Variants in TMEM106C observed in about 807,000 individuals in gnomAD.
TMEM106C encodes transmembrane protein 106C.
Under a neutral mutation model 30.8 loss-of-function variants are expected in TMEM106C, and 27 were observed. The ratio of observed to expected loss-of-function variants is 0.88; its 90% CI spans 0.65 to 1.21. The LOEUF is 1.21. TMEM106C is among the 50% of genes most tolerant of loss of function. TMEM106C has a pLI of 0.00. For synonymous variants in TMEM106C, 123 were observed against 118.8 expected (o/e 1.04, Z -0.23); for missense variants, 288 against 307.8 (o/e 0.94, Z 0.48).
chr12:47,967,374 C>G (rs757151805), intron 7 of TMEM106C, 113 bp downstream of exon 7: 4 of 1,035,410 alleles, frequency 3.9e-6, no homozygotes, highest in Non-Finnish European at 6.1e-6. Context: ...GAGGGGACAC[C>G]CTGTGCCTCA....
At position 47,967,236 on chromosome 12, in the gene TMEM106C, G is replaced by A. The variant is rs535649901; in HGVS notation, c.631G>A (p.Val211Met). ...CTTCTGCACGGTACCTGAGATCCTG[G>A]TGCACAACATAGTGATCTTCATGCG... ...YFFCTVPEIL[V>M]HNIVIFMRTS... The change falls in exon 7 of 8, where the codon GTG (valine) becomes ATG (methionine). Residue 211 changes from valine to methionine, a missense_variant. By Grantham distance (21) the Val-to-Met change is conservative (BLOSUM62 1). Coordinates refer to ENST00000429772, the MANE Select transcript of TMEM106C (RefSeq NM_001143842.2). The A allele has an allele frequency of 1.2e-6, 2 of 1,613,992 alleles. No individual in the cohort carries two copies. Among genetic ancestry groups the A allele is most frequent in the Admixed American group, 1.7e-5 (1 of 60,014 alleles).
At chr12:47,964,664 T>C in intron 2 of TMEM106C, 1 of 530,310 alleles carries the variant, frequency 1.9e-6, no homozygotes, top group East Asian at 3.3e-5. Flanking sequence ...GTTTGGAACA[T>C]TCAGTTCGCT....
At chr12:47,964,824 C>T in intron 2 of TMEM106C, 2 of 291,710 alleles carry the variant, frequency 6.9e-6, no homozygotes, top group Non-Finnish European at 1.3e-5. Flanking sequence ...TATATCAGGT[C>T]AAGAGAGAGA....
Position 47,966,077 on chromosome 12 carries a change from G to C in TMEM106C, c.412-12G>C. On this transcript the variant is annotated splice_polypyrimidine_tract_variant and intron_variant, in intron 4 of 7. Coordinates refer to ENST00000429772, the MANE Select transcript of TMEM106C (RefSeq NM_001143842.2). ...GACACTTACACTTGTTTCCTGACTT[G>C]CCCTGATGTAGGCCACCCTGAAAAT... 3.1e-6 allele frequency: 5 copies of C among 1,614,218 alleles called. No individual in the cohort carries two copies. The highest frequency in any genetic ancestry group is 4.2e-6 in the Non-Finnish European group (5 of 1,180,034).
intron 2 of TMEM106C, 70 bp downstream of exon 2, chr12:47,964,493 C>T: frequency 6.6e-7 from 1 of 1,512,292 alleles, no homozygotes; most frequent in Non-Finnish European, 9.1e-7. Context: ...TCTGCCCAGA[C>T]AACTTTTCTT....
At position 47,966,138 on chromosome 12, in the gene TMEM106C, G is replaced by C. The variant is rs1304418395; in HGVS notation, c.461G>C (p.Ser154Thr). The C allele has an allele frequency of 6.2e-7, 1 of 1,614,204 alleles. No homozygotes were observed. The highest frequency in any genetic ancestry group is 1.1e-5 in the South Asian group (1 of 91,080). The change falls in exon 5 of 8, where the codon AGC (serine) becomes ACC (threonine). Residue 154 changes from serine (S) to threonine (T), a missense_variant. Physicochemically the swap from Ser to Thr is moderately conservative, Grantham distance 58 (BLOSUM62 1). Coordinates refer to ENST00000429772, the MANE Select transcript of TMEM106C (RefSeq NM_001143842.2). ...NSNFYTVAVT[S>T]LSSQIQYMNT... The stretch of plus-strand genomic sequence containing the variant: ...AACTTCTACACGGTGGCAGTGACCA[G>C]CCTGTCCAGCCAGATTCAGTACATG...
chr12:47,966,197 G>T lies in TMEM106C; in HGVS notation c.520G>T (p.Val174Phe). Residue 174 changes from valine to phenylalanine, a missense_variant, in exon 5 of 8, where the codon GTC becomes TTC. Val to Phe is a conservative substitution (Grantham distance 50, BLOSUM62 -1). Coordinates refer to ENST00000429772, the MANE Select transcript of TMEM106C (RefSeq NM_001143842.2). ...TVVSTYVTTN[V>F]SLIPPRSEQL... ...GGTCAGTACATATGTGACTACTAAC[G>T]TCTCCCTTATTCCACCTCGGAGTGA... 4 of 1,614,132 alleles carry T rather than the reference G, an allele frequency of 2.5e-6. No individual in the cohort carries two copies. Among genetic ancestry groups the T allele is most frequent in the Non-Finnish European group, 3.4e-6 (4 of 1,180,032 alleles).
At chr12:47,966,459 C>A in intron 5 of TMEM106C, 1 of 696,744 alleles carries the variant, frequency 1.4e-6, no homozygotes, top group Non-Finnish European at 2.4e-6. Flanking sequence ...AGATTTGCTA[C>A]AAAATAAGAA....
intron 2 of TMEM106C, chr12:47,964,839 A>G (rs970519125): frequency 1.4e-5 from 4 of 278,934 alleles, no homozygotes; most frequent in Non-Finnish European, 2.7e-5. Context: ...GAGAGAGACA[A>G]ATACTTAGCC....
intron 5 of TMEM106C, 24 bp from the exon 6 acceptor site, chr12:47,966,659 C>T (rs1404695120): frequency 6.2e-7 from 1 of 1,614,046 alleles, no homozygotes; most frequent in Non-Finnish European, 8.5e-7. Context: ...TGGCCACAGA[C>T]CAACTCTGGT....
Position 47,966,330 on chromosome 12 carries a change from T to C in TMEM106C, c.552+101T>C, listed in dbSNP as rs1938224020. On this transcript the variant is annotated intron_variant, in intron 5 of 7. Coordinates refer to ENST00000429772, the MANE Select transcript of TMEM106C (RefSeq NM_001143842.2). ...GTCACTTTCCTTTTTGTCTCCTCAT[T>C]TCTACTTGTAGGAACTGGTGATGAG... is the stretch of plus-strand genomic sequence containing the variant. 26 of 1,396,730 alleles carry C rather than the reference T, an allele frequency of 1.9e-5. No homozygotes were observed. In the South Asian group the frequency reaches 3.3e-4, roughly 17 times the overall value. 86.5% of individuals were successfully genotyped at this position (1,396,730 alleles called of 1,614,324 possible). A position where few individuals can be genotyped will look rare whatever the true frequency, so the allele number is the denominator to read the frequency against.
chr12:47,966,111 C>G lies in TMEM106C; in HGVS notation c.434C>G (p.Ser145Cys). Reference sequence around the variant, plus strand: ...TAGGCCACCCTGAAAATCAGGAACTCCAACTTCTACACGGTGGCAGTGACC... The same window carrying G: ...TAGGCCACCCTGAAAATCAGGAACTGCAACTTCTACACGGTGGCAGTGACC... Reference protein sequence around the residue: ...TIMATLKIRNSNFYTVAVTSL... With the variant: ...TIMATLKIRNCNFYTVAVTSL... The change falls in exon 5 of 8, where the codon TCC (serine) becomes TGC (cysteine). Residue 145 changes from serine to cysteine, a missense_variant. Ser to Cys is a moderately radical substitution (Grantham distance 112). Transcript: ENST00000429772. 5 of 1,614,210 alleles carry G rather than the reference C, an allele frequency of 3.1e-6. No homozygotes were observed. The highest frequency in any genetic ancestry group is 1.6e-4 in the Middle Eastern group (1 of 6,062).
At position 47,963,607 on chromosome 12, in the gene TMEM106C, G is replaced by C. The variant is rs1218342776; in HGVS notation, c.-126G>C. ...TATTTGGCGCCTGCGCGCTGAGTGC[G>C]TGCCGCTCCGCCGACCGAAGAGGCT... On this transcript the variant is annotated 5_prime_UTR_variant, in exon 1 of 8. Transcript: ENST00000429772. The C allele has an allele frequency of 6.6e-6, 1 of 152,524 alleles. No individual in the cohort carries two copies. The highest frequency in any genetic ancestry group is 2.4e-5 in the African/African-American group (1 of 41,468). The allele number at this position is 152,524 out of a possible 1,614,324, so 9.4% of individuals were successfully genotyped here.
rs746440188 is a variant in TMEM106C, at chr12:47,964,296, T to C, written c.60T>C (p.Asp20=). ...CCTCCTGCAGGCGAAAGCAAGAAGA[T>C]GACAGGGACGGTTTGCTGGCTGAAC... is the stretch of plus-strand genomic sequence containing the variant. ...RPSSCRRKQE[D]DRDGLLAERE... Residue 20 remains aspartate (D), a synonymous_variant, in exon 2 of 8, where the codon GAT becomes GAC. Transcript: ENST00000429772. 6.2e-7 allele frequency: 1 copy of C among 1,614,100 alleles called. No individual in the cohort carries two copies. The highest frequency in any genetic ancestry group is 8.5e-7 in the Non-Finnish European group (1 of 1,179,998).
intron 6 of TMEM106C, 130 bp from the exon 7 acceptor site, chr12:47,967,078 A>G: frequency 1.1e-6 from 1 of 905,578 alleles, no homozygotes; most frequent in East Asian, 2.4e-5. Flanking sequence ...CTGAGAGCTG[A>G]CAAGCCTTGG....
Position 47,964,568 on chromosome 12 carries a change from A to G in TMEM106C, c.187+145A>G, listed in dbSNP as rs1592184373. 4 of 691,822 alleles carry G rather than the reference A, an allele frequency of 5.8e-6. No individual in the cohort carries two copies. The East Asian group carries it at 1.1e-4, about 19-fold the overall frequency. 42.9% of individuals were successfully genotyped at this position (691,822 alleles called of 1,614,324 possible). A position where few individuals can be genotyped will look rare whatever the true frequency, so the allele number is the denominator to read the frequency against. The stretch of plus-strand genomic sequence containing the variant: ...GGAGCCAGCTCAACTGACTTAATAC[A>G]CTTGGGCAGTTCTGCAACTTCTCTT... On this transcript the variant is annotated intron_variant, in intron 2 of 7. Transcript: ENST00000429772.
At chr12:47,965,732 A>G in intron 3 of TMEM106C, 106 bp from the exon 4 acceptor site, 10 of 1,350,636 alleles carry the variant, frequency 7.4e-6, no homozygotes, top group South Asian at 1.4e-5. Flanking sequence ...GGCTCTTGGA[A>G]CTTCCCTTTC....
Position 47,968,185 on chromosome 12 carries a change from A to G in TMEM106C, c.709A>G (p.Thr237Ala), listed in dbSNP as rs374279950. The G allele has an allele frequency of 8.7e-6, 14 of 1,613,972 alleles. No individual in the cohort carries two copies. The African/African-American group carries it at 1.6e-4, about 18-fold the overall frequency. Reference sequence around the variant, plus strand: ...CCTCATGACCCAGAGCTCCTTGGAGACACATCACTATGTGGATTGTGGAGG... The same window carrying G: ...CCTCATGACCCAGAGCTCCTTGGAGGCACATCACTATGTGGATTGTGGAGG... ...IGLMTQSSLE[T>A]HHYVDCGGNS... Residue 237 changes from threonine to alanine, a missense_variant, in exon 8 of 8, where the codon ACA (threonine) becomes GCA (alanine). Transcript: ENST00000429772.
In TMEM106C at chr12:47,967,197, C is replaced by T. The variant is rs1480147318; in HGVS notation, c.603-11C>T. The T allele has an allele frequency of 6.2e-7, 1 of 1,612,276 alleles. No individual in the cohort carries two copies. Among genetic ancestry groups the T allele is most frequent in the Admixed American group, 1.7e-5 (1 of 59,988 alleles). On this transcript the variant is annotated splice_polypyrimidine_tract_variant and intron_variant, in intron 6 of 7. Coordinates refer to ENST00000429772, the MANE Select transcript of TMEM106C (RefSeq NM_001143842.2). The stretch of plus-strand genomic sequence containing the variant: ...AAAAAACTGACTATTTCCATATTTG[C>T]TGTTTGGTAGCTTCTTCTGCACGGT...
Sources: gnomAD v4.1 joint callset for allele counts on GRCh38, gnomAD v4.1.1 for gene constraint, MANE v1.5 for transcripts, NCBI Gene and HGNC (gene_info 2026-07-23, HGNC 2026-07-21) for gene names.